The following COL21A1 variants were observed in gnomAD, a reference collection of about 807,000 sequenced individuals.
The protein encoded by COL21A1 is collagen alpha-1(XXI) chain.
A neutral mutation model predicts 137.9 loss-of-function variants in COL21A1; 149 were observed. The observed-to-expected ratio is 1.08, with a 90% confidence interval of 0.95 to 1.24. The LOEUF (loss-of-function observed/expected upper bound fraction) is 1.24, where lower values mean the gene tolerates loss of function less well. Ranked by LOEUF, COL21A1 falls within the 50% of genes most tolerant of loss-of-function variation. The pLI is 0.00. For missense variants in COL21A1, 1,167 were observed against 1,158.4 expected (o/e 1.01, Z -0.11); for synonymous variants, 456 against 391.5 (o/e 1.16, Z -1.95).
At chr6:56,113,496 T>C (rs967139793) in intron 16 of COL21A1, among the ~76,000 whole-genome samples, 1 of 152,170 alleles carries the variant, frequency 6.6e-6, no homozygotes, top group Non-Finnish European at 1.5e-5. Flanking sequence ...AAGGAAAGGA[T>C]GCAGTCCTGC....
At chr6:56,064,419 T>C (rs969762757) in intron 24 of COL21A1, among the ~76,000 whole-genome samples, 159 bp downstream of exon 24, 2 of 152,030 alleles carry the variant, frequency 1.3e-5, no homozygotes, top group African/African-American at 2.4e-5. Flanking sequence ...AGAAACTCAT[T>C]ATCACCACAC....
At chr6:56,099,042 A>G (rs899567562) in intron 17 of COL21A1, among the ~76,000 whole-genome samples, 2 of 150,792 alleles carry the variant, frequency 1.3e-5, no homozygotes, top group African/African-American at 4.9e-5. Context: ...TTATCTTTTT[A>G]GGTTTTATGA....
At chr6:56,193,965 G>A (rs910261798) in intron 1 of COL21A1, among the ~76,000 whole-genome samples, 1 of 152,102 alleles carries the variant, frequency 6.6e-6, no homozygotes, top group African/African-American at 2.4e-5. Context: ...ATATTGGCCA[G>A]GATGGTCTTG....
intron 10 of COL21A1, among the ~76,000 whole-genome samples, chr6:56,144,405 T>C (rs1339666131): frequency 6.6e-6 from 1 of 152,196 alleles, no homozygotes; most frequent in Non-Finnish European, 1.5e-5. Flanking sequence ...TTTAGAATTC[T>C]GAGTGCCCAG....
chr6:56,058,905 G>A lies in COL21A1; in HGVS notation c.2686+260C>T, dbSNP rs374428656. Reference sequence around the variant, plus strand: ...TGTTATACACCAGATAAGCAGGGGTGACTAAAATGATTCTAGAACTCTTCT... The same window carrying A: ...TGTTATACACCAGATAAGCAGGGGTAACTAAAATGATTCTAGAACTCTTCT... On this transcript the variant is annotated intron_variant, in intron 29 of 29. Coordinates refer to ENST00000244728, the MANE Select transcript of COL21A1 (RefSeq NM_030820.4). 1.6e-3 allele frequency among the ~76,000 whole-genome samples: 242 copies of A among 152,184 alleles called. 1 individual carries two copies. The highest frequency in any genetic ancestry group is 5.6e-3 in the African/African-American group (231 of 41,540).
chr6:56,355,290 A>G (rs1003585374), intron 1 of COL21A1, among the ~76,000 whole-genome samples: 1 of 152,210 alleles, frequency 6.6e-6, no homozygotes, highest in African/African-American at 2.4e-5. Context: ...ATTTCTAGAA[A>G]CACAGTGGAC....
chr6:56,302,937 T>G (rs1168823883), intron 1 of COL21A1, among the ~76,000 whole-genome samples: 2 of 152,164 alleles, frequency 1.3e-5, no homozygotes, highest in Non-Finnish European at 1.5e-5. Context: ...CAGTTTCAGC[T>G]TTCTACATAT....
At chr6:56,076,257 TG>T (rs1767229659) in intron 18 of COL21A1, among the ~76,000 whole-genome samples, 1 of 151,386 alleles carries the variant, frequency 6.6e-6, no homozygotes, top group Admixed American at 6.6e-5. Context: ...GGGGCTGAAA[TG>T]GTATCCATGG....
intron 1 of COL21A1, among the ~76,000 whole-genome samples, chr6:56,218,869 T>G (rs962411262): frequency 3.9e-5 from 6 of 152,006 alleles, no homozygotes; most frequent in South Asian, 2.1e-4. Context: ...CCATCAGAAG[T>G]TGACAATGAC....
chr6:56,080,288 A>G (rs1054138690), intron 17 of COL21A1, among the ~76,000 whole-genome samples: 3 of 151,758 alleles, frequency 2.0e-5, no homozygotes, highest in African/African-American at 7.2e-5. Context: ...GTAAGTGGAC[A>G]TATTTCCTCT....
intron 1 of COL21A1, among the ~76,000 whole-genome samples, chr6:56,358,836 C>T (rs943785236): frequency 3.9e-5 from 6 of 152,014 alleles, no homozygotes; most frequent in Non-Finnish European, 5.9e-5. Context: ...TGAAAATGCA[C>T]GTTATGGTCA....
At chr6:56,284,204 C>T (rs1248418501) in intron 1 of COL21A1, among the ~76,000 whole-genome samples, 2 of 148,992 alleles carry the variant, frequency 1.3e-5, no homozygotes, top group African/African-American at 4.9e-5. Flanking sequence ...CACGCCACCA[C>T]ACCCAGCTAA....
chr6:56,380,307 T>C (rs1321765259), intron 1 of COL21A1, among the ~76,000 whole-genome samples: 1 of 152,200 alleles, frequency 6.6e-6, no homozygotes, highest in African/African-American at 2.4e-5. Flanking sequence ...TGCAGAACTG[T>C]GAGCCAAATA....
chr6:56,188,501 A>C (rs1778449621), intron 1 of COL21A1, among the ~76,000 whole-genome samples: 1 of 152,212 alleles, frequency 6.6e-6, no homozygotes, highest in South Asian at 2.1e-4. Context: ...GAACTTATAG[A>C]TAAAACTCCC....
chr6:56,271,071 G>A (rs1201412267), intron 1 of COL21A1, among the ~76,000 whole-genome samples: 2 of 152,172 alleles, frequency 1.3e-5, no homozygotes, highest in African/African-American at 4.8e-5. Context: ...GAAGAGGTTG[G>A]AACAGTTTGG....
intron 10 of COL21A1, among the ~76,000 whole-genome samples, chr6:56,151,059 T>C (rs1267900959): frequency 2.5e-5 from 2 of 80,856 alleles, no homozygotes; most frequent in South Asian, 4.1e-4. Context: ...CCATCTCTAC[T>C]AAAAATACAA....
chr6:56,111,553 A>G (rs1356800896), intron 16 of COL21A1, among the ~76,000 whole-genome samples: 2 of 152,106 alleles, frequency 1.3e-5, no homozygotes, highest in African/African-American at 4.8e-5. Flanking sequence ...CTTTTCTGCA[A>G]TCTACAATTA....
intron 1 of COL21A1, among the ~76,000 whole-genome samples, chr6:56,321,202 T>C (rs1764858119): frequency 1.3e-5 from 2 of 152,140 alleles, no homozygotes; most frequent in Admixed American, 6.6e-5. Flanking sequence ...AGGCATTGAT[T>C]GCCATTTGTT....
intron 12 of COL21A1, 136 bp downstream of exon 12, chr6:56,141,649 T>C (rs1774416997): frequency 4.9e-6 from 4 of 818,006 alleles, no homozygotes; most frequent in Admixed American, 2.2e-5. Context: ...TATTGTCTAA[T>C]AGCCACTGAC....
Sources: gnomAD v4.1 joint callset for allele counts (sites outside exome capture counted in the v4.1 genomes callset) on GRCh38, gnomAD v4.1.1 for gene constraint, MANE v1.5 for transcripts, NCBI Gene and HGNC (gene_info 2026-07-23, HGNC 2026-07-21) for gene names.